Variants in TSHZ1 observed in about 807,000 individuals in gnomAD.
The protein encoded by TSHZ1 is teashirt homolog 1.
TSHZ1 carries 12 observed loss-of-function variants against 67.1 expected under a neutral mutation model. That is an observed-to-expected ratio of 0.18 (90% confidence interval 0.11 to 0.29). The LOEUF is 0.29. TSHZ1 is among the 10% of genes least tolerant of loss of function. The pLI is 1.00. For missense variants in TSHZ1, 1,305 were observed against 1,413.9 expected, an observed-to-expected ratio of 0.92 and a Z score of 1.23; for synonymous variants, 632 against 622.4, an observed-to-expected ratio of 1.02 and a Z score of -0.23.
rs543332176 is a variant in TSHZ1 at position 75,281,180 on chromosome 18, G to A, written c.41-4268G>A. Among the ~76,000 whole-genome samples, 56 of 152,328 alleles carry A rather than the reference G, an allele frequency of 3.7e-4. No homozygotes were observed. Among genetic ancestry groups the A allele is most frequent in the African/African-American group, 1.3e-3 (52 of 41,572 alleles). ...GACCAGGAGTGGAGCGAGGTCATCT[G>A]GGGACGTTGGAAGGCTCTGGCCACA... On this transcript the variant is annotated intron_variant, in intron 1 of 1. Transcript: ENST00000580243. The surrounding 1 kb of genome is among the most constrained non-coding windows in gnomAD (Gnocchi z 5.3).
chr18:75,234,593 T>G (rs1000257819), intron 1 of TSHZ1, among the ~76,000 whole-genome samples: 1 of 150,866 alleles, frequency 6.6e-6, no homozygotes, highest in Non-Finnish European at 1.5e-5. Context: ...AAGGGGTTTT[T>G]TTTTCCCCCC....
intron 1 of TSHZ1, among the ~76,000 whole-genome samples, chr18:75,268,332 G>C (rs1013665035): frequency 6.6e-6 from 1 of 152,184 alleles, no homozygotes; most frequent in African/African-American, 2.4e-5. Context: ...ATAGGAGAGA[G>C]GAAATAATAA....
At chr18:75,232,301 T>G (rs17056694) in intron 1 of TSHZ1, among the ~76,000 whole-genome samples, 4,571 of 152,284 alleles carry the variant, frequency 0.03, 255 homozygotes, top group African/African-American at 0.1. Context: ...TTTTAATGCG[T>G]CTACACAGAT....
chr18:75,281,901 G>T lies in TSHZ1; in HGVS notation c.41-3547G>T, dbSNP rs983847551. On this transcript the variant is annotated intron_variant, in intron 1 of 1. Transcript: ENST00000580243. This position sits in a 1 kb window ranked among gnomAD's most constrained non-coding sequence, Gnocchi z 5.3. ...ACACGGGGCTCCCTGCCTTCCAAAA[G>T]TGTCCCTCACCTACCCGGTCAGAGG... is the stretch of plus-strand genomic sequence containing the variant. 3.9e-5 allele frequency among the ~76,000 whole-genome samples: 6 copies of T among 152,126 alleles called. No homozygotes were observed. Among genetic ancestry groups the T allele is most frequent in the Admixed American group, 1.3e-4 (2 of 15,284 alleles).
intron 1 of TSHZ1, chr18:75,284,782 AC>A (rs1267030772): frequency 2.6e-5 from 4 of 152,246 alleles, no homozygotes; most frequent in Non-Finnish European, 5.9e-5. Context: ...TCCAACTGTC[AC>A]TGGACCTTTT....
chr18:75,287,435 G>A lies in TSHZ1; in HGVS notation c.2028G>A (p.Glu676=), dbSNP rs758456489. The A allele has an allele frequency of 1.2e-6, 2 of 1,614,174 alleles. No homozygotes were observed. The highest frequency in any genetic ancestry group is 2.2e-5 in the East Asian group (1 of 44,880). Residue 676 remains glutamate, a synonymous_variant, in exon 2 of 2, where the codon GAG becomes GAA. Coordinates refer to ENST00000580243, the MANE Select transcript of TSHZ1 (RefSeq NM_001308210.2). This position sits in a 1 kb window ranked among gnomAD's most constrained non-coding sequence, Gnocchi z 5.0. ...AGGCTGCGTCCCCCATAGCAAAAGA[G>A]AATAAAGATTTCCCGAAAACGGAGG... ...LAKAASPIAK[E]NKDFPKTEEV... is the part of the protein sequence containing the mutation.
chr18:75,252,024 G>T (rs1242759304), intron 1 of TSHZ1, among the ~76,000 whole-genome samples: 1 of 151,978 alleles, frequency 6.6e-6, no homozygotes, highest in Non-Finnish European at 1.5e-5. Flanking sequence ...TTGATATTTG[G>T]GTATATATTC....
At chr18:75,212,104 G>A (rs1197063050) in intron 1 of TSHZ1, among the ~76,000 whole-genome samples, 188 bp downstream of exon 1, 1 of 152,136 alleles carries the variant, frequency 6.6e-6, no homozygotes, top group Non-Finnish European at 1.5e-5. Context: ...CCCAACCTGG[G>A]CCGGCGCGTG....
chr18:75,289,463 C>T lies in TSHZ1; in HGVS notation c.*822C>T, dbSNP rs1245579632. On this transcript the variant is annotated 3_prime_UTR_variant, in exon 2 of 2. Transcript: ENST00000580243. ...TTACAAATGTAAGCTTTGGTACAAG[C>T]TGACCTTTCTATAGCGTGCTGCATT... is the stretch of plus-strand genomic sequence containing the variant. The T allele has an allele frequency of 6.0e-6, 1 of 166,972 alleles. No individual in the cohort carries two copies. The highest frequency in any genetic ancestry group is 2.4e-5 in the African/African-American group (1 of 41,402). 10.3% of individuals were successfully genotyped at this position (166,972 alleles called of 1,614,324 possible).
At position 75,281,700 on chromosome 18, in the gene TSHZ1, G is replaced by A. The variant is rs540769979; in HGVS notation, c.41-3748G>A. On this transcript the variant is annotated intron_variant, in intron 1 of 1. Coordinates refer to ENST00000580243, the MANE Select transcript of TSHZ1 (RefSeq NM_001308210.2). This position sits in a 1 kb window ranked among gnomAD's most constrained non-coding sequence, Gnocchi z 5.3. ...CCTGGGGATGCGGCAGCTCAGAACG[G>A]GGAGCGGGTAGCGGTCACCGAGGGT... Among the ~76,000 whole-genome samples the A allele has an allele frequency of 2.4e-4, 37 of 152,268 alleles. No individual in the cohort carries two copies. In the South Asian group the frequency reaches 6.6e-3, roughly 27 times the overall value.
At chr18:75,259,536 T>G (rs1199283576) in intron 1 of TSHZ1, among the ~76,000 whole-genome samples, 1 of 152,140 alleles carries the variant, frequency 6.6e-6, no homozygotes, top group Non-Finnish European at 1.5e-5. Flanking sequence ...ACTTAGTAAC[T>G]GTCTTGGTTA....
chr18:75,268,223 A>C (rs2122591368), intron 1 of TSHZ1, among the ~76,000 whole-genome samples: 1 of 152,344 alleles, frequency 6.6e-6, no homozygotes, highest in South Asian at 2.1e-4. Flanking sequence ...TTTCCCAGGA[A>C]GGAGAGTTGC....
At chr18:75,262,728 T>C (rs1401832343) in intron 1 of TSHZ1, among the ~76,000 whole-genome samples, 1 of 152,206 alleles carries the variant, frequency 6.6e-6, no homozygotes, top group African/African-American at 2.4e-5. Context: ...CCTCCCCTTA[T>C]GTAGTTCCTC....
At position 75,287,232 on chromosome 18, in the gene TSHZ1, G is replaced by T; in HGVS notation, c.1825G>T (p.Val609Leu). The T allele has an allele frequency of 6.2e-7, 1 of 1,613,884 alleles. No individual in the cohort carries two copies. The highest frequency in any genetic ancestry group is 8.5e-7 in the Non-Finnish European group (1 of 1,179,968). ...GGTGCAGCCGTCCTATGCTGGCGGC[G>T]TGAAGTCGCTGTCTTCCGCCGAGCA... Reference protein sequence around the residue: ...VQVQPSYAGGVKSLSSAEHNA... With the variant: ...VQVQPSYAGGLKSLSSAEHNA... Residue 609 changes from valine to leucine, a missense_variant, in exon 2 of 2, where the codon GTG becomes TTG. Val to Leu is a conservative substitution (Grantham distance 32, BLOSUM62 1). Coordinates refer to ENST00000580243, the MANE Select transcript of TSHZ1 (RefSeq NM_001308210.2). The surrounding 1 kb of genome is among the most constrained non-coding windows in gnomAD (Gnocchi z 5.0).
At chr18:75,246,790 C>T (rs1476920121) in intron 1 of TSHZ1, among the ~76,000 whole-genome samples, 1 of 152,148 alleles carries the variant, frequency 6.6e-6, no homozygotes, top group Non-Finnish European at 1.5e-5. Context: ...GGCAAATTTT[C>T]TCTCCTTTCA....
Position 75,252,399 on chromosome 18 carries a change from A to G in TSHZ1, c.41-33049A>G, listed in dbSNP as rs536962298. 3.5e-3 allele frequency among the ~76,000 whole-genome samples: 539 copies of G among 152,274 alleles called. 2 individuals are homozygous for G. Among genetic ancestry groups the G allele is most frequent in the Middle Eastern group, 0.027 (8 of 294 alleles). ...GAAGGTCGTGCACATTTTCAGTCCCACCAGTGACATGCATTTCTCTGGGTT... is the reference window on the plus strand; with the variant it reads ...GAAGGTCGTGCACATTTTCAGTCCCGCCAGTGACATGCATTTCTCTGGGTT... On this transcript the variant is annotated intron_variant, in intron 1 of 1. Transcript: ENST00000580243.
At position 75,286,620 on chromosome 18, in the gene TSHZ1, A is replaced by T; in HGVS notation, c.1213A>T (p.Thr405Ser). 1 of 1,614,226 alleles carries T rather than the reference A, an allele frequency of 6.2e-7. No homozygotes were observed. Among genetic ancestry groups the T allele is most frequent in the Non-Finnish European group, 8.5e-7 (1 of 1,180,038 alleles). ...RYGYQNGASY[T>S]WQFEARKAQI... The stretch of plus-strand genomic sequence containing the variant: ...TGGCTACCAGAATGGCGCCAGCTAC[A>T]CCTGGCAGTTTGAGGCCCGCAAGGC... The change falls in exon 2 of 2, where the codon ACC becomes TCC. Residue 405 changes from threonine (T) to serine (S), a missense_variant. By Grantham distance (58) the Thr-to-Ser change is moderately conservative. Coordinates refer to ENST00000580243, the MANE Select transcript of TSHZ1 (RefSeq NM_001308210.2). This position sits in a 1 kb window ranked among gnomAD's most constrained non-coding sequence, Gnocchi z 5.1.
chr18:75,233,653 C>T (rs772660304), intron 1 of TSHZ1, among the ~76,000 whole-genome samples: 10 of 152,150 alleles, frequency 6.6e-5, no homozygotes, highest in Non-Finnish European at 1.3e-4. Context: ...ATAGCTTCTG[C>T]GTTTACAGAA....
intron 1 of TSHZ1, among the ~76,000 whole-genome samples, chr18:75,249,280 C>T (rs62089814): frequency 0.063 from 9,531 of 152,232 alleles, 510 homozygotes; most frequent in East Asian, 0.27. Context: ...CCCTGGGTGC[C>T]TCGCCTGCCC....
Sources: gnomAD v4.1 joint callset for allele counts (sites outside exome capture counted in the v4.1 genomes callset) on GRCh38, gnomAD v4.1.1 for gene constraint, Gnocchi (gnomAD v3.1) non-coding constraint, MANE v1.5 for transcripts, NCBI Gene and HGNC (gene_info 2026-07-23, HGNC 2026-07-21) for gene names.